The following CDH18 variants were observed in gnomAD, a reference collection of about 807,000 sequenced individuals.
CDH18 encodes the protein cadherin 18.
CDH18 carries 31 observed loss-of-function variants against 67.9 expected under a neutral mutation model. That is an observed-to-expected ratio of 0.46 (90% CI 0.34 to 0.62). The LOEUF (loss-of-function observed/expected upper bound fraction) is 0.62, where lower values mean the gene tolerates loss of function less well. CDH18 is among the 20% of genes least tolerant of loss of function. CDH18 has a pLI of 0.01. For missense variants in CDH18, 890 were observed against 975.5 expected, an observed-to-expected ratio of 0.91 and a Z score of 1.17; for synonymous variants, 362 against 347.2, an observed-to-expected ratio of 1.04 and a Z score of -0.48.
At chr5:20,355,482 T>C (rs1741536905) in intron 1 of CDH18, among the ~76,000 whole-genome samples, 1 of 152,136 alleles carries the variant, frequency 6.6e-6, no homozygotes, top group Non-Finnish European at 1.5e-5. Flanking sequence ...AAGATATGGG[T>C]GGCCAAAAAA....
At chr5:20,026,077 G>C (rs990132998) in intron 2 of CDH18, among the ~76,000 whole-genome samples, 1 of 152,166 alleles carries the variant, frequency 6.6e-6, no homozygotes, top group African/African-American at 2.4e-5. Context: ...ACAAATTAGA[G>C]CTACTTGTGC....
chr5:20,151,072 C>T (rs1425586422), intron 2 of CDH18, among the ~76,000 whole-genome samples: 5 of 151,256 alleles, frequency 3.3e-5, no homozygotes, highest in African/African-American at 7.3e-5. Context: ...TAGGGGGTTC[C>T]GCTTTGTTAC....
rs151043738 is a variant in CDH18, at chr5:19,799,730, A to G, written c.228+39029T>C. ...ACAATGAAGAACAATGAAGTTTAGTATGTTAGCTAAAATCGGTGACTAGTT... is the reference window on the plus strand; with the variant it reads ...ACAATGAAGAACAATGAAGTTTAGTGTGTTAGCTAAAATCGGTGACTAGTT... On this transcript the variant is annotated intron_variant, in intron 3 of 12. Transcript: ENST00000382275. Among the ~76,000 whole-genome samples the G allele has an allele frequency of 1.1e-3, 163 of 152,282 alleles. 1 individual carries two copies. The highest frequency in any genetic ancestry group is 3.8e-3 in the African/African-American group (159 of 41,574).
chr5:20,058,895 T>C (rs1742224992), intron 2 of CDH18, among the ~76,000 whole-genome samples: 1 of 152,174 alleles, frequency 6.6e-6, no homozygotes, highest in Admixed American at 6.5e-5. Flanking sequence ...CTAGTAAATT[T>C]TCAGGATTCT....
chr5:19,900,210 G>A (rs2150109943), intron 2 of CDH18, among the ~76,000 whole-genome samples: 1 of 152,202 alleles, frequency 6.6e-6, no homozygotes. Flanking sequence ...GATATAGAGA[G>A]TAGAAGAGTG....
intron 1 of CDH18, among the ~76,000 whole-genome samples, chr5:20,363,439 T>G (rs1360698581): frequency 1.6e-5 from 2 of 127,112 alleles, no homozygotes; most frequent in Non-Finnish European, 3.1e-5. Flanking sequence ...GAGCTGAAAC[T>G]GCACCCAGCC....
At chr5:20,063,740 A>G (rs939155117) in intron 2 of CDH18, among the ~76,000 whole-genome samples, 28 of 152,178 alleles carry the variant, frequency 1.8e-4, no homozygotes, top group African/African-American at 6.8e-4. Context: ...TCCTTTTTCA[A>G]CAAGACCTAG....
chr5:20,035,273 C>G (rs1739751084), intron 2 of CDH18, among the ~76,000 whole-genome samples: 1 of 151,926 alleles, frequency 6.6e-6, no homozygotes, highest in Non-Finnish European at 1.5e-5. Flanking sequence ...CCTGTCCATG[C>G]AATTTATTAT....
chr5:19,729,086 T>C (rs1455436939), intron 4 of CDH18, among the ~76,000 whole-genome samples: 1 of 152,212 alleles, frequency 6.6e-6, no homozygotes, highest in Non-Finnish European at 1.5e-5. Flanking sequence ...TTTTGTGTAC[T>C]AACTATAAAA....
intron 1 of CDH18, among the ~76,000 whole-genome samples, chr5:20,464,862 C>T (rs1461045193): frequency 6.6e-6 from 1 of 151,820 alleles, no homozygotes; most frequent in Admixed American, 6.6e-5. Flanking sequence ...GAAAAACTTG[C>T]CAAGTTGATG....
chr5:19,777,140 C>T (rs1774484166), intron 3 of CDH18, among the ~76,000 whole-genome samples: 1 of 151,980 alleles, frequency 6.6e-6, no homozygotes, highest in African/African-American at 2.4e-5. Flanking sequence ...ATTAGCCAGG[C>T]GTGATGGCAC....
intron 2 of CDH18, among the ~76,000 whole-genome samples, chr5:19,847,674 G>A (rs777393775): frequency 1.4e-4 from 21 of 151,884 alleles, no homozygotes; most frequent in African/African-American, 3.6e-4. Flanking sequence ...TGGTATCTGC[G>A]TATTTGAAAG....
At chr5:20,276,639 A>G (rs1745833728) in intron 1 of CDH18, among the ~76,000 whole-genome samples, 1 of 152,156 alleles carries the variant, frequency 6.6e-6, no homozygotes, top group Non-Finnish European at 1.5e-5. Context: ...AAGGAGAGGA[A>G]AGAGTAAAGG....
chr5:20,082,086 A>T (rs1333811366), intron 2 of CDH18, among the ~76,000 whole-genome samples: 1 of 152,174 alleles, frequency 6.6e-6, no homozygotes, highest in African/African-American at 2.4e-5. Context: ...ATACACACAG[A>T]CATAAACTAC....
At chr5:19,937,015 T>C (rs1157199460) in intron 2 of CDH18, among the ~76,000 whole-genome samples, 1 of 151,342 alleles carries the variant, frequency 6.6e-6, no homozygotes, top group African/African-American at 2.4e-5. Flanking sequence ...AGTATTTATG[T>C]ACACTCATAT....
At chr5:20,093,633 C>T (rs889391828) in intron 2 of CDH18, among the ~76,000 whole-genome samples, 1 of 152,008 alleles carries the variant, frequency 6.6e-6, no homozygotes, top group Non-Finnish European at 1.5e-5. Flanking sequence ...AGGTATAAAA[C>T]TAAATTTCAG....
chr5:20,486,681 G>GTATATATATATATATATATA lies in CDH18; in HGVS notation c.-580+88780_-580+88781insTATATATATATATATATATA, dbSNP rs750113034. On this transcript the variant is annotated intron_variant, in intron 1 of 14. Coordinates refer to the CDH18 transcript ENST00000507958. ...AGTTGTTTTACCTGTTGCTATTTTTGTATATATATATATATATACATATAT... is the reference window on the plus strand; with the variant it reads ...AGTTGTTTTACCTGTTGCTATTTTTGTATATATATATATATATATATATATATATATATATATACATATAT... 4.4e-3 allele frequency among the ~76,000 whole-genome samples: 537 copies of GTATATATATATATATATATA among 122,534 alleles called. 8 individuals are homozygous for GTATATATATATATATATATA. The highest frequency in any genetic ancestry group is 0.013 in the Middle Eastern group (3 of 240). 80.4% of individuals were successfully genotyped at this position (122,534 alleles called of 152,430 possible).
At chr5:20,304,602 G>A in intron 1 of CDH18, 3 of 1,611,994 alleles carry the variant, frequency 1.9e-6, no homozygotes, top group South Asian at 2.2e-5. Context: ...AGCTTAATGA[G>A]CCCAAAACAG....
chr5:20,169,261 C>A (rs1226962080), intron 2 of CDH18, among the ~76,000 whole-genome samples: 1 of 151,872 alleles, frequency 6.6e-6, no homozygotes, highest in African/African-American at 2.4e-5. Flanking sequence ...AATATATACA[C>A]CTATTATGTA....
Sources: allele counts gnomAD v4.1 joint callset (sites outside exome capture counted in the v4.1 genomes callset), GRCh38; gene constraint gnomAD v4.1.1; transcripts MANE v1.5; gene names NCBI Gene and HGNC (gene_info 2026-07-23, HGNC 2026-07-21).